Variants in SLC4A10 observed in about 807,000 individuals in gnomAD.
SLC4A10 encodes sodium-driven chloride bicarbonate exchanger.
SLC4A10 carries 42 observed loss-of-function variants against 137.7 expected under a neutral mutation model. The observed-to-expected ratio is 0.30, with a 90% CI of 0.24 to 0.39. The LOEUF (loss-of-function observed/expected upper bound fraction) is 0.39, where lower values mean the gene tolerates loss of function less well. SLC4A10 is among the 10% of genes least tolerant of loss of function. SLC4A10 has a pLI of 1.00. For missense variants in SLC4A10, 925 were observed against 1,355.0 expected, an observed-to-expected ratio of 0.68 and a Z score of 4.98; for synonymous variants, 474 against 464.1, an observed-to-expected ratio of 1.02 and a Z score of -0.27.
chr2:161,630,807 C>T (rs2033400015), intron 1 of SLC4A10, among the ~76,000 whole-genome samples: 1 of 151,642 alleles, frequency 6.6e-6, no homozygotes, highest in South Asian at 2.1e-4. Context: ...TGTTTTCCAG[C>T]CTTGCAGATG....
At chr2:161,968,747 G>T (rs1698022249) in intron 23 of SLC4A10, among the ~76,000 whole-genome samples, 1 of 152,174 alleles carries the variant, frequency 6.6e-6, no homozygotes, top group Non-Finnish European at 1.5e-5. Flanking sequence ...GAACAGGAAA[G>T]AAAATAGGAA....
intron 23 of SLC4A10, among the ~76,000 whole-genome samples, chr2:161,968,707 G>A (rs910440341): frequency 6.6e-6 from 1 of 152,266 alleles, no homozygotes; most frequent in South Asian, 2.1e-4. Flanking sequence ...ATATAGCTCT[G>A]ACTAGTGCAA....
chr2:161,763,711 A>G (rs1038933834), intron 1 of SLC4A10, among the ~76,000 whole-genome samples: 3 of 152,162 alleles, frequency 2.0e-5, no homozygotes, highest in African/African-American at 7.2e-5. Flanking sequence ...ACCCTCTGGC[A>G]TGGTCTCTTC....
intron 23 of SLC4A10, among the ~76,000 whole-genome samples, chr2:161,972,497 C>T (rs1324918976): frequency 6.6e-6 from 1 of 152,080 alleles, no homozygotes; most frequent in East Asian, 1.9e-4. Flanking sequence ...CTCCATTCAC[C>T]TTGATTTAGT....
chr2:161,967,683 A>G (rs534977482), intron 23 of SLC4A10, among the ~76,000 whole-genome samples: 6 of 152,312 alleles, frequency 3.9e-5, no homozygotes, highest in African/African-American at 1.4e-4. Flanking sequence ...ATGTTTGTAT[A>G]GCTCACATTT....
chr2:161,631,973 A>G (rs2033643698), intron 1 of SLC4A10, among the ~76,000 whole-genome samples: 1 of 151,780 alleles, frequency 6.6e-6, no homozygotes, highest in African/African-American at 2.4e-5. Context: ...CATGAAAATT[A>G]TGCTCTAAGG....
At chr2:161,873,774 G>A in intron 7 of SLC4A10, 142 bp from the exon 8 acceptor site, 1 of 739,594 alleles carries the variant, frequency 1.4e-6, no homozygotes, top group Non-Finnish European at 2.2e-6. Flanking sequence ...ATAGTGATCA[G>A]CTCCTTGGAC....
At chr2:161,791,123 C>T (rs1464609637) in intron 2 of SLC4A10, among the ~76,000 whole-genome samples, 2 of 152,102 alleles carry the variant, frequency 1.3e-5, no homozygotes, top group Non-Finnish European at 2.9e-5. Flanking sequence ...TGTGTATATA[C>T]CCAAAGGAAT....
rs576419196 is a variant in SLC4A10 at position 161,958,921 on chromosome 2, G to A, written c.2862+366G>A. Among the ~76,000 whole-genome samples the A allele has an allele frequency of 3.6e-3, 547 of 152,162 alleles. 4 individuals are homozygous for A. The highest frequency in any genetic ancestry group is 6.1e-3 in the Non-Finnish European group (418 of 67,992). On this transcript the variant is annotated intron_variant, in intron 21 of 26. Transcript: ENST00000446997. ...AAGAATAGGAAAAGTCTTTATGCAC[G>A]AAGATGTTCATTGTAACACATACTA...
chr2:161,706,838 C>T (rs1454619024), intron 1 of SLC4A10, among the ~76,000 whole-genome samples: 2 of 151,478 alleles, frequency 1.3e-5, no homozygotes, highest in African/African-American at 4.8e-5. Context: ...TTTCTGATCC[C>T]TAGATTAGGG....
At chr2:161,884,480 A>G (rs2062064558) in intron 10 of SLC4A10, among the ~76,000 whole-genome samples, 1 of 152,206 alleles carries the variant, frequency 6.6e-6, no homozygotes, top group Non-Finnish European at 1.5e-5. Context: ...TCCATGTTCT[A>G]TAAATTTCAG....
chr2:161,750,977 A>C (rs72877343), intron 1 of SLC4A10, among the ~76,000 whole-genome samples: 12,319 of 151,690 alleles, frequency 0.081, 635 homozygotes, highest in East Asian at 0.14. Flanking sequence ...CTTTCTGTGT[A>C]CCTAGAGACA....
intron 1 of SLC4A10, among the ~76,000 whole-genome samples, chr2:161,729,962 T>G (rs889682853): frequency 6.6e-6 from 1 of 152,160 alleles, no homozygotes; most frequent in Admixed American, 6.5e-5. Flanking sequence ...TGCTGGAATA[T>G]AAAGCCGGCC....
chr2:161,652,733 T>C (rs1440962302), intron 1 of SLC4A10, among the ~76,000 whole-genome samples: 1 of 151,942 alleles, frequency 6.6e-6, no homozygotes, highest in African/African-American at 2.4e-5. Flanking sequence ...TTATGACCAT[T>C]GATCAGCAAC....
rs75358495 is a variant in SLC4A10 at position 161,858,040 on chromosome 2, T to A, written c.577+2910T>A. 6.7e-3 allele frequency among the ~76,000 whole-genome samples: 1,023 copies of A among 152,254 alleles called. 17 individuals carry two copies. The highest frequency in any genetic ancestry group is 0.024 in the African/African-American group (995 of 41,540). The stretch of plus-strand genomic sequence containing the variant: ...ATTTTTGTTTTATTCTGTTTCATGA[T>A]CATTTGTGGCCATAGTGATTAACAA... On this transcript the variant is annotated intron_variant, in intron 5 of 26. Coordinates refer to ENST00000446997, the MANE Select transcript of SLC4A10 (RefSeq NM_001178015.2).
intron 1 of SLC4A10, among the ~76,000 whole-genome samples, chr2:161,680,537 T>C (rs148733824): frequency 7.0e-4 from 106 of 151,986 alleles, no homozygotes; most frequent in African/African-American, 2.4e-3. Context: ...AAATGTGGGA[T>C]GAGGTCAGAT....
intron 1 of SLC4A10, among the ~76,000 whole-genome samples, chr2:161,720,576 T>C (rs2125115232): frequency 6.6e-6 from 1 of 152,300 alleles, no homozygotes; most frequent in Non-Finnish European, 1.5e-5. Flanking sequence ...ATTGGGAGCA[T>C]ATATAATTAG....
rs536398620 is a variant in SLC4A10, at chr2:161,846,227, A to G, written c.416+6300A>G. ...CGAATAGCACATGGAAAAATGTTCA[A>G]TATCATTAGTCATCAGGAAAATGCA... is the stretch of plus-strand genomic sequence containing the variant. On this transcript the variant is annotated intron_variant, in intron 4 of 26. Coordinates refer to ENST00000446997, the MANE Select transcript of SLC4A10 (RefSeq NM_001178015.2). Among the ~76,000 whole-genome samples the G allele has an allele frequency of 1.2e-3, 178 of 152,308 alleles. 6 individuals carry two copies. The South Asian group carries it at 0.036, about 31-fold the overall frequency.
chr2:161,862,630 AT>A (rs2060496849), intron 5 of SLC4A10, among the ~76,000 whole-genome samples: 1 of 152,214 alleles, frequency 6.6e-6, no homozygotes, highest in Non-Finnish European at 1.5e-5. Flanking sequence ...CTTCATAAGA[AT>A]TATATATTTA....
Sources: gnomAD v4.1 joint callset for allele counts (sites outside exome capture counted in the v4.1 genomes callset) on GRCh38, gnomAD v4.1.1 for gene constraint, MANE v1.5 for transcripts, NCBI Gene and HGNC (gene_info 2026-07-23, HGNC 2026-07-21) for gene names.